NTM: variants seen among roughly 807,000 people sequenced by gnomAD.
The protein encoded by NTM is IgLON family member 2.
NTM carries 13 observed loss-of-function variants against 42.1 expected under a neutral mutation model. That is an observed-to-expected ratio of 0.31 (90% CI 0.20 to 0.49). NTM has a LOEUF of 0.49. Among genes scored for constraint, NTM ranks in the 20% least tolerant of loss-of-function variants. The probability of loss-of-function intolerance (pLI) is 0.99; values close to 1 mark genes in which losing one functional copy is unlikely to be tolerated. For synonymous variants in NTM, 187 were observed against 179.2 expected (o/e 1.04, Z -0.35); for missense variants, 373 against 452.8 (o/e 0.82, Z 1.60).
chr11:131,704,916 C>T (rs763802313), intron 1 of NTM, among the ~76,000 whole-genome samples: 2 of 151,804 alleles, frequency 1.3e-5, no homozygotes, highest in Non-Finnish European at 2.9e-5. Context: ...TTGAAATTAC[C>T]CAGGCAGAAG....
chr11:131,416,919 T>C (rs956079264), intron 1 of NTM, among the ~76,000 whole-genome samples: 1 of 152,218 alleles, frequency 6.6e-6, no homozygotes, highest in African/African-American at 2.4e-5. Flanking sequence ...GGTGGCGAAA[T>C]GATCAGTAGA....
At chr11:131,800,845 G>C (rs889403468) in intron 1 of NTM, among the ~76,000 whole-genome samples, 1 of 152,280 alleles carries the variant, frequency 6.6e-6, no homozygotes, top group East Asian at 1.9e-4. Context: ...GCTTGTGTCT[G>C]TTTATCAAGG....
chr11:132,264,729 A>G (rs1250187942), intron 4 of NTM, among the ~76,000 whole-genome samples: 1 of 152,208 alleles, frequency 6.6e-6, no homozygotes, highest in East Asian at 1.9e-4. Context: ...ATATTTACAT[A>G]CCACTTTTAC....
intron 1 of NTM, among the ~76,000 whole-genome samples, chr11:131,797,102 T>C (rs912569201): frequency 7.2e-5 from 11 of 152,244 alleles, no homozygotes; most frequent in Admixed American, 2.6e-4. Flanking sequence ...AGATTTTGAC[T>C]AATGTGTTTA....
At chr11:132,193,396 T>C (rs543613863) in intron 3 of NTM, among the ~76,000 whole-genome samples, 76 of 152,122 alleles carry the variant, frequency 5.0e-4, no homozygotes, top group South Asian at 4.2e-4. Flanking sequence ...AACCTGCTCC[T>C]GGATGACTTT....
At chr11:132,318,945 A>G (rs1423835799) in intron 7 of NTM, among the ~76,000 whole-genome samples, 2 of 152,192 alleles carry the variant, frequency 1.3e-5, no homozygotes, top group Non-Finnish European at 2.9e-5. Flanking sequence ...TGAGGGCTGC[A>G]TTACTCACTT....
intron 4 of NTM, among the ~76,000 whole-genome samples, chr11:132,223,041 C>G (rs563158330): frequency 2.0e-5 from 3 of 152,126 alleles, no homozygotes; most frequent in African/African-American, 7.2e-5. Context: ...TTATTTATTT[C>G]GACACACACC....
chr11:132,050,525 T>TA (rs1359583094), intron 2 of NTM, among the ~76,000 whole-genome samples: 5 of 152,180 alleles, frequency 3.3e-5, no homozygotes, highest in Non-Finnish European at 7.3e-5. Context: ...TCACAGATCT[T>TA]ACCATGAAGT....
chr11:132,009,382 G>A (rs1354953091), intron 2 of NTM, among the ~76,000 whole-genome samples: 1 of 152,162 alleles, frequency 6.6e-6, no homozygotes, highest in East Asian at 1.9e-4. Context: ...CCTGTCAGAT[G>A]GGTATGTATG....
At chr11:132,024,460 A>G (rs576374162) in intron 2 of NTM, among the ~76,000 whole-genome samples, 7 of 152,326 alleles carry the variant, frequency 4.6e-5, no homozygotes, top group African/African-American at 1.7e-4. Context: ...TCAACTATAG[A>G]TTACTTATAA....
chr11:131,734,289 C>T (rs1056530064), intron 1 of NTM, among the ~76,000 whole-genome samples: 4 of 152,176 alleles, frequency 2.6e-5, no homozygotes, highest in Non-Finnish European at 5.9e-5. Flanking sequence ...ATGGCCGCTG[C>T]CATGGTCTCA....
chr11:131,858,705 G>T (rs1048973954), intron 1 of NTM, among the ~76,000 whole-genome samples: 1 of 152,202 alleles, frequency 6.6e-6, no homozygotes, highest in African/African-American at 2.4e-5. Context: ...ACGTTGAGCC[G>T]CAGCAGCTGG....
chr11:131,786,252 T>C (rs1428118123), intron 1 of NTM, among the ~76,000 whole-genome samples: 1 of 152,242 alleles, frequency 6.6e-6, no homozygotes. Flanking sequence ...TCAGCATTCA[T>C]TCTGTGGAAT....
chr11:131,514,126 A>G (rs2048598638), intron 1 of NTM, among the ~76,000 whole-genome samples: 1 of 152,192 alleles, frequency 6.6e-6, no homozygotes, highest in Non-Finnish European at 1.5e-5. Context: ...ATTGCCTCTC[A>G]CATAAACACT....
At chr11:131,567,637 C>A (rs920647303) in intron 1 of NTM, among the ~76,000 whole-genome samples, 1 of 152,216 alleles carries the variant, frequency 6.6e-6, no homozygotes, top group African/African-American at 2.4e-5. Context: ...CAACTTACCA[C>A]AAACATTAAA....
At chr11:131,598,754 TCTTC>T (rs1565685608) in intron 1 of NTM, among the ~76,000 whole-genome samples, 25 of 53,906 alleles carry the variant, frequency 4.6e-4, no homozygotes, top group African/African-American at 1.5e-3. Flanking sequence ...TTTCTTTCTT[TCTTC>T]TTTCTTTTTT....
chr11:132,215,702 A>G (rs1489198610), intron 4 of NTM, among the ~76,000 whole-genome samples: 1 of 152,240 alleles, frequency 6.6e-6, no homozygotes. Flanking sequence ...TATGGGCATT[A>G]TGCCTTTGTA....
chr11:131,714,748 T>C (rs181978006), intron 1 of NTM, among the ~76,000 whole-genome samples: 1 of 152,308 alleles, frequency 6.6e-6, no homozygotes, highest in African/African-American at 2.4e-5. Context: ...ACAGTTGTCC[T>C]CTATTCCACT....
At chr11:131,715,620 A>G (rs148271402) in intron 1 of NTM, among the ~76,000 whole-genome samples, 2,101 of 152,192 alleles carry the variant, frequency 0.014, 21 homozygotes, top group Non-Finnish European at 0.023. Flanking sequence ...TCTTTTTGTA[A>G]TCTGTTCCTC....
Sources: allele counts gnomAD v4.1 joint callset (sites outside exome capture counted in the v4.1 genomes callset), GRCh38; gene constraint gnomAD v4.1.1; transcripts MANE v1.5; gene names NCBI Gene and HGNC (gene_info 2026-07-23, HGNC 2026-07-21).